Variants in PSAP observed in about 807,000 individuals in gnomAD.
PSAP encodes precursor of saposins.
PSAP carries 25 observed loss-of-function variants against 66.0 expected under a neutral mutation model. That is an observed-to-expected ratio of 0.38 (90% confidence interval 0.28 to 0.53). The LOEUF (loss-of-function observed/expected upper bound fraction) is 0.53. PSAP is among the 20% of genes least tolerant of loss of function. The probability of loss-of-function intolerance (pLI) is 0.83; values close to 1 mark genes in which losing one functional copy is unlikely to be tolerated. For synonymous variants in PSAP, 273 were observed against 258.9 expected (o/e 1.05, Z -0.52); for missense variants, 649 against 668.8 (o/e 0.97, Z 0.33).
rs1486812963 is a variant in PSAP at position 71,819,844 on chromosome 10, C to T, written c.1062G>A (p.Ser354=). The change falls in exon 10 of 14, where the codon TCG becomes TCA. Residue 354 remains serine, a synonymous_variant. Coordinates refer to ENST00000394936, the MANE Select transcript of PSAP (RefSeq NM_002778.4). ...KMCSKLPKSL[S]EECQEVVDTY... ...TGTCCACCACCTCCTGGCACTCTTCCGACAGGGACTTCGGCAGCTTCGAGC... is the reference window on the plus strand; with the variant it reads ...TGTCCACCACCTCCTGGCACTCTTCTGACAGGGACTTCGGCAGCTTCGAGC... The T allele has an allele frequency of 3.7e-6, 6 of 1,614,022 alleles. No homozygotes were observed. Among genetic ancestry groups the T allele is most frequent in the South Asian group, 3.3e-5 (3 of 91,090 alleles).
chr10:71,842,034 G>T (rs947362842), intron 1 of PSAP, among the ~76,000 whole-genome samples: 1 of 151,204 alleles, frequency 6.6e-6, no homozygotes, highest in Non-Finnish European at 1.5e-5. Context: ...GAACATCTCC[G>T]CATGGGTTAG....
chr10:71,833,042 A>AAAAAAAAAAAG, intron 2 of PSAP, among the ~76,000 whole-genome samples: 1 of 148,090 alleles, frequency 6.8e-6, no homozygotes, highest in South Asian at 2.2e-4. Flanking sequence ...CAAAAAACAA[A>AAAAAAAAAAAG]AACAGAAGGC....
chr10:71,828,766 G>T, intron 5 of PSAP, 111 bp downstream of exon 5: 3 of 1,181,766 alleles, frequency 2.5e-6, no homozygotes, highest in Non-Finnish European at 3.6e-6. Context: ...GCAGAGTCAC[G>T]CACAGGGATA....
chr10:71,839,440 G>C (rs899108702), intron 1 of PSAP, among the ~76,000 whole-genome samples: 6 of 151,868 alleles, frequency 4.0e-5, no homozygotes, highest in Admixed American at 3.9e-4. Context: ...GGGTTTTGCC[G>C]TGTTGGCCAG....
chr10:71,836,446 A>G (rs1842630315), intron 1 of PSAP, among the ~76,000 whole-genome samples: 1 of 152,140 alleles, frequency 6.6e-6, no homozygotes, highest in Non-Finnish European at 1.5e-5. Context: ...CCCAGACCTG[A>G]TGACTCCCAC....
At chr10:71,835,397 T>A (rs970355305) in intron 1 of PSAP, among the ~76,000 whole-genome samples, 3 of 151,776 alleles carry the variant, frequency 2.0e-5, no homozygotes, top group Non-Finnish European at 4.4e-5. Context: ...CTGGGCAACA[T>A]GGCAAAACCT....
Position 71,820,197 on chromosome 10 carries a change from G to T in PSAP, c.1005+43C>A, listed in dbSNP as rs771646815. The T allele has an allele frequency of 1.1e-5, 17 of 1,532,634 alleles. No homozygotes were observed. The South Asian group carries it at 1.7e-4, about 15-fold the overall frequency. 94.9% of individuals were successfully genotyped at this position (1,532,634 alleles called of 1,614,324 possible). A position where few individuals can be genotyped will look rare whatever the true frequency, so the allele number is the denominator to read the frequency against. ...TTTCCCACTGGGACATTCAGGCTCG[G>T]GGGGGCAGGAGAGGCCCTCCCTCTG... On this transcript the variant is annotated intron_variant, in intron 9 of 13. Transcript: ENST00000394936.
In PSAP at chr10:71,851,180, A is replaced by G; in HGVS notation, c.40+2T>C. On this transcript the variant is annotated splice_donor_variant, in intron 1 of 13. Coordinates refer to ENST00000394936, the MANE Select transcript of PSAP (RefSeq NM_002778.4). LOFTEE classifies it high-confidence loss of function. Reference sequence around the variant, plus strand: ...CCCCAGGATGAGGGTCCCAGGGCTTACCCGCGCCCAGGAGGCTGGCCAGGA... The same window carrying G: ...CCCCAGGATGAGGGTCCCAGGGCTTGCCCGCGCCCAGGAGGCTGGCCAGGA... 1 of 1,551,020 alleles carries G rather than the reference A, an allele frequency of 6.4e-7. No individual in the cohort carries two copies. The highest frequency in any genetic ancestry group is 8.7e-7 in the Non-Finnish European group (1 of 1,146,810).
At chr10:71,839,302 C>T (rs1326787517) in intron 1 of PSAP, among the ~76,000 whole-genome samples, 4 of 152,064 alleles carry the variant, frequency 2.6e-5, no homozygotes, top group African/African-American at 9.7e-5. Flanking sequence ...TGCAGTGGCA[C>T]GATCTCGGCT....
chr10:71,818,132 T>C (rs1675744101), intron 13 of PSAP, among the ~76,000 whole-genome samples: 1 of 152,220 alleles, frequency 6.6e-6, no homozygotes, highest in Non-Finnish European at 1.5e-5. Context: ...GTCACCCAAC[T>C]GGTGGCTGCC....
Position 71,820,345 on chromosome 10 carries a change from G to C in PSAP, c.910-10C>G, listed in dbSNP as rs780654138. ...CTGGGACCTCGTGCTTCTGTGGAAAGAGTAGAAGGAGAGTACTTTCAATGC... is the reference window on the plus strand; with the variant it reads ...CTGGGACCTCGTGCTTCTGTGGAAACAGTAGAAGGAGAGTACTTTCAATGC... On this transcript the variant is annotated splice_polypyrimidine_tract_variant and intron_variant, in intron 8 of 13. Coordinates refer to ENST00000394936, the MANE Select transcript of PSAP (RefSeq NM_002778.4). The C allele has an allele frequency of 1.2e-6, 2 of 1,606,514 alleles. No individual in the cohort carries two copies. The highest frequency in any genetic ancestry group is 2.2e-5 in the South Asian group (2 of 90,916).
intron 1 of PSAP, among the ~76,000 whole-genome samples, chr10:71,845,185 G>A (rs1247536961): frequency 6.6e-6 from 1 of 152,110 alleles, no homozygotes; most frequent in Non-Finnish European, 1.5e-5. Context: ...CAAGGATAAA[G>A]AGAAAGACTA....
chr10:71,839,280 C>G (rs1316440895), intron 1 of PSAP, among the ~76,000 whole-genome samples: 1 of 152,090 alleles, frequency 6.6e-6, no homozygotes, highest in South Asian at 2.1e-4. Flanking sequence ...GCTCTTGTCG[C>G]CCAGGCTGGA....
intron 1 of PSAP, among the ~76,000 whole-genome samples, chr10:71,850,343 ACTTT>A (rs1230507131): frequency 6.6e-6 from 1 of 152,220 alleles, no homozygotes; most frequent in Non-Finnish European, 1.5e-5. Flanking sequence ...TAACTTGAAT[ACTTT>A]CTTTCTATTG....
Position 71,825,818 on chromosome 10 carries a change from G to A in PSAP, c.777+19C>T, listed in dbSNP as rs758128390. 2 of 1,604,208 alleles carry A rather than the reference G, an allele frequency of 1.2e-6. No homozygotes were observed. Among genetic ancestry groups the A allele is most frequent in the South Asian group, 1.1e-5 (1 of 90,860 alleles). Reference sequence around the variant, plus strand: ...AAAAACAAAGAAAAATGCTAACAAGGGGCCTCCGTGCCACCTACCATGTGC... The same window carrying A: ...AAAAACAAAGAAAAATGCTAACAAGAGGCCTCCGTGCCACCTACCATGTGC... On this transcript the variant is annotated intron_variant, in intron 7 of 13. Transcript: ENST00000394936.
At chr10:71,825,439 C>T (rs1256027065) in intron 7 of PSAP, among the ~76,000 whole-genome samples, 4 of 152,242 alleles carry the variant, frequency 2.6e-5, no homozygotes, top group South Asian at 2.1e-4. Flanking sequence ...CTGCCATGCA[C>T]GGGACAAACT....
Position 71,831,263 on chromosome 10 carries a change from C to T in PSAP, c.250-12G>A, listed in dbSNP as rs886047152. Reference sequence around the variant, plus strand: ...ACAAGGATCTCCTCCTACGAGAGGACACCAGGGTCAGAATCACGATAGGCT... The same window carrying T: ...ACAAGGATCTCCTCCTACGAGAGGATACCAGGGTCAGAATCACGATAGGCT... On this transcript the variant is annotated splice_polypyrimidine_tract_variant and intron_variant, in intron 3 of 13. Coordinates refer to ENST00000394936, the MANE Select transcript of PSAP (RefSeq NM_002778.4). 1.1e-5 allele frequency: 17 copies of T among 1,613,276 alleles called. No individual in the cohort carries two copies. The highest frequency in any genetic ancestry group is 1.4e-5 in the Non-Finnish European group (17 of 1,179,808).
At chr10:71,833,841 C>T (rs1361742280) in intron 2 of PSAP, among the ~76,000 whole-genome samples, 1 of 152,184 alleles carries the variant, frequency 6.6e-6, no homozygotes, top group Non-Finnish European at 1.5e-5. Flanking sequence ...AGCTGGAAAC[C>T]AATTTTAAAT....
In PSAP at chr10:71,826,018, G is replaced by A; in HGVS notation, c.721-125C>T. 6.5e-6 allele frequency: 5 copies of A among 773,580 alleles called. No individual in the cohort carries two copies. In the South Asian group the frequency reaches 7.4e-5, roughly 11 times the overall value. The allele number at this position is 773,580 out of a possible 1,614,324, so 47.9% of individuals were successfully genotyped here. On this transcript the variant is annotated intron_variant, in intron 6 of 13. Transcript: ENST00000394936. ...GACTATCAAGCAAGTTTCTAAAGTA[G>A]AATTTTATGAATGTCTGCTCTGGGC...
Sources: gnomAD v4.1 joint callset for allele counts (sites outside exome capture counted in the v4.1 genomes callset) on GRCh38, gnomAD v4.1.1 for gene constraint, MANE v1.5 for transcripts, NCBI Gene and HGNC (gene_info 2026-07-23, HGNC 2026-07-21) for gene names.